Variants in PAMR1 observed in about 807,000 individuals in gnomAD.
PAMR1 encodes the protein inactive serine protease PAMR1.
Under a neutral mutation model 81.8 loss-of-function variants are expected in PAMR1, and 88 were observed. The ratio of observed to expected loss-of-function variants is 1.08; its 90% CI spans 0.91 to 1.28. PAMR1 has a LOEUF of 1.28. Among genes scored for constraint, PAMR1 ranks in the 50% most tolerant of loss-of-function variants. The pLI, the probability that PAMR1 is intolerant of heterozygous loss-of-function variation, is 0.00. For synonymous variants in PAMR1, 336 were observed against 345.3 expected, an observed-to-expected ratio of 0.97 and a Z score of 0.30; for missense variants, 935 against 919.7, an observed-to-expected ratio of 1.02 and a Z score of -0.21.
At chr11:35,526,756 A>G (rs1851401626), upstream of PAMR1, among the ~76,000 whole-genome samples, 1 of 152,112 alleles carries the variant, frequency 6.6e-6, no homozygotes, top group Non-Finnish European at 1.5e-5. Context: ...TCACCATTTG[A>G]TATGGCTTCG....
intron 1 of PAMR1, among the ~76,000 whole-genome samples, chr11:35,512,210 T>A (rs1041959345): frequency 1.3e-5 from 2 of 152,200 alleles, no homozygotes; most frequent in African/African-American, 4.8e-5. Context: ...TCCTTTCTCA[T>A]CCTTTATTAA....
intron 6 of PAMR1, among the ~76,000 whole-genome samples, chr11:35,464,046 C>G (rs758576953): frequency 2.0e-5 from 3 of 152,172 alleles, no homozygotes; most frequent in Non-Finnish European, 2.9e-5. Flanking sequence ...ATTGCCAAAA[C>G]CTTTTAGTGA....
At chr11:35,435,785 T>C in intron 9 of PAMR1, 118 bp downstream of exon 9, 1 of 713,372 alleles carries the variant, frequency 1.4e-6, no homozygotes, top group South Asian at 1.8e-5. Context: ...GAATTTCAGA[T>C]ATCACCAAAC....
chr11:35,525,389 C>T, intron 1 of PAMR1, 124 bp downstream of exon 1: 2 of 751,172 alleles, frequency 2.7e-6, no homozygotes, highest in Non-Finnish European at 4.5e-6. Context: ...CCCTCAACCC[C>T]TCACCCCAAA....
At chr11:35,524,537 A>T (rs1260751584) in intron 1 of PAMR1, among the ~76,000 whole-genome samples, 1 of 152,178 alleles carries the variant, frequency 6.6e-6, no homozygotes, top group African/African-American at 2.4e-5. Context: ...TCTCAGATAG[A>T]GTTCAGGTGA....
chr11:35,463,608 G>A (rs2135370367), intron 6 of PAMR1, among the ~76,000 whole-genome samples: 1 of 152,326 alleles, frequency 6.6e-6, no homozygotes, highest in South Asian at 2.1e-4. Flanking sequence ...TTCCTACACG[G>A]TGGCCCAAGG....
At chr11:35,464,750 G>C (rs1856727741) in intron 6 of PAMR1, among the ~76,000 whole-genome samples, 1 of 152,116 alleles carries the variant, frequency 6.6e-6, no homozygotes, top group Non-Finnish European at 1.5e-5. Flanking sequence ...GATTGGCCAG[G>C]AAAAAACAAT....
intron 1 of PAMR1, among the ~76,000 whole-genome samples, chr11:35,501,261 G>T (rs1036726752): frequency 6.6e-6 from 1 of 151,496 alleles, no homozygotes; most frequent in Admixed American, 6.6e-5. Context: ...CTCCCAAGTA[G>T]CTGGAACTGC....
chr11:35,527,197 G>T (rs893542412), upstream of PAMR1, among the ~76,000 whole-genome samples: 1 of 152,144 alleles, frequency 6.6e-6, no homozygotes, highest in Non-Finnish European at 1.5e-5. Context: ...GCAGGCCTGT[G>T]TTCTAATTTT....
At chr11:35,500,894 A>C (rs779085079) in intron 1 of PAMR1, among the ~76,000 whole-genome samples, 9 of 152,192 alleles carry the variant, frequency 5.9e-5, no homozygotes, top group African/African-American at 9.7e-5. Flanking sequence ...TAAAAGATTT[A>C]AAAAATGGAA....
upstream of PAMR1, among the ~76,000 whole-genome samples, chr11:35,526,916 G>A (rs1851404851): frequency 6.6e-6 from 1 of 152,170 alleles, no homozygotes; most frequent in Non-Finnish European, 1.5e-5. Flanking sequence ...GGGCCCTGGT[G>A]GTTTACAAGT....
rs372294319 is a variant in PAMR1 at position 35,434,628 on chromosome 11, G to A, written c.1510C>T (p.His504Tyr). Reference protein sequence around the residue: ...VNERTVVVAAHCVTDLGKVTM... With the variant: ...VNERTVVVAAYCVTDLGKVTM... ...ACCTTCCCCAGGTCAGTAACACAGT[G>A]GGCAGCCACCACCACAGTGCGCTCA... is the stretch of plus-strand genomic sequence containing the variant. Residue 504 changes from histidine (H) to tyrosine (Y), a missense_variant, in exon 10 of 11, where the codon CAC becomes TAC. Transcript: ENST00000619888. 1.9e-6 allele frequency: 3 copies of A among 1,613,926 alleles called. No homozygotes were observed. The highest frequency in any genetic ancestry group is 2.5e-6 in the Non-Finnish European group (3 of 1,180,028).
intron 6 of PAMR1, among the ~76,000 whole-genome samples, chr11:35,462,907 C>T (rs796321257): frequency 5.4e-4 from 82 of 152,264 alleles, no homozygotes; most frequent in African/African-American, 1.8e-3. Flanking sequence ...GACAAAGATG[C>T]ACCTGCCTTC....
chr11:35,460,192 TG>T (rs1250925269), intron 6 of PAMR1, among the ~76,000 whole-genome samples: 2 of 152,158 alleles, frequency 1.3e-5, no homozygotes, highest in Non-Finnish European at 1.5e-5. Context: ...TAAGGAAATG[TG>T]GGGTTCTATA....
intron 3 of PAMR1, among the ~76,000 whole-genome samples, chr11:35,485,469 T>C (rs1431644834): frequency 2.6e-5 from 4 of 152,156 alleles, no homozygotes; most frequent in Non-Finnish European, 5.9e-5. Flanking sequence ...GCTCTTAGTC[T>C]GGATATTCTG....
intron 3 of PAMR1, among the ~76,000 whole-genome samples, chr11:35,480,019 C>T (rs191075869): frequency 8.6e-4 from 131 of 152,228 alleles, no homozygotes; most frequent in African/African-American, 3.0e-3. Flanking sequence ...ACATATAACC[C>T]CAATCCACCT....
At chr11:35,488,801 G>A (rs904358261) in intron 3 of PAMR1, among the ~76,000 whole-genome samples, 2 of 145,266 alleles carry the variant, frequency 1.4e-5, no homozygotes, top group African/African-American at 2.5e-5. Flanking sequence ...TCGAACTTCT[G>A]GGCTCAAGTA....
intron 1 of PAMR1, among the ~76,000 whole-genome samples, chr11:35,514,269 C>T (rs1851124210): frequency 6.6e-6 from 1 of 152,186 alleles, no homozygotes; most frequent in African/African-American, 2.4e-5. Flanking sequence ...TTATTCTCTG[C>T]AGAACAGAAA....
At chr11:35,490,712 T>A (rs1850606775) in intron 3 of PAMR1, among the ~76,000 whole-genome samples, 1 of 152,240 alleles carries the variant, frequency 6.6e-6, no homozygotes, top group Non-Finnish European at 1.5e-5. Flanking sequence ...AGGATAACAG[T>A]GACATATTTA....
Sources: allele counts gnomAD v4.1 joint callset (sites outside exome capture counted in the v4.1 genomes callset), GRCh38; gene constraint gnomAD v4.1.1; transcripts MANE v1.5; gene names NCBI Gene and HGNC (gene_info 2026-07-23, HGNC 2026-07-21).